Variants in PDPK1 observed in about 807,000 individuals in gnomAD.
The protein encoded by PDPK1 is 3-phosphoinositide dependent protein kinase 1, also known as 3-phosphoinositide-dependent protein kinase 1.
A neutral mutation model predicts 39.8 loss-of-function variants in PDPK1; 7 were observed. The observed-to-expected ratio is 0.18, with a 90% confidence interval of 0.10 to 0.33. PDPK1 has a LOEUF of 0.33. Among genes scored for constraint, PDPK1 ranks in the 10% least tolerant of loss-of-function variants. The probability of loss-of-function intolerance (pLI) is 1.00; values close to 1 mark genes in which losing one functional copy is unlikely to be tolerated. For missense variants in PDPK1, 182 were observed against 384.7 expected (o/e 0.47, Z 4.41); for synonymous variants, 118 against 159.1 (o/e 0.74, Z 1.95).
intron 11 of PDPK1, among the ~76,000 whole-genome samples, chr16:2,588,243 T>C (rs1041142100): frequency 5.3e-5 from 8 of 152,162 alleles, no homozygotes; most frequent in African/African-American, 1.7e-4. Context: ...GAATCACACC[T>C]AGTGTGATTG....
At position 2,557,966 on chromosome 16, in the gene PDPK1, G is replaced by A; in HGVS notation, c.285+3G>A. ...TTGGGGAAGGCTCTTTTTCCACGGT[G>A]AGTATTTGCTGCTGCTGTGTGTCAA... On this transcript the variant is annotated splice_donor_region_variant and intron_variant, in intron 2 of 13. Transcript: ENST00000342085. 6.2e-7 allele frequency: 1 copy of A among 1,612,254 alleles called. No homozygotes were observed. The highest frequency in any genetic ancestry group is 8.5e-7 in the Non-Finnish European group (1 of 1,179,536).
chr16:2,596,809 G>C (rs897836041), intron 12 of PDPK1, among the ~76,000 whole-genome samples: 1 of 152,172 alleles, frequency 6.6e-6, no homozygotes, highest in African/African-American at 2.4e-5. Context: ...AAGGATCTCG[G>C]TGCAGGTGGG....
At chr16:2,584,271 TATC>T (rs1350436167) in intron 10 of PDPK1, among the ~76,000 whole-genome samples, 6 of 89,452 alleles carry the variant, frequency 6.7e-5, no homozygotes, top group African/African-American at 2.1e-4. Flanking sequence ...TAAGTGCTGT[TATC>T]ATGAGATCCA....
At chr16:2,550,595 G>A in intron 1 of PDPK1, 1 of 17,796 alleles carries the variant, frequency 5.6e-5, no homozygotes, top group Non-Finnish European at 1.0e-4. Flanking sequence ...TGTTGAAGAT[G>A]TGGGTTAGTG....
intron 1 of PDPK1, chr16:2,539,080 T>C: frequency 6.9e-6 from 1 of 144,714 alleles, no homozygotes; most frequent in South Asian, 2.0e-4. Flanking sequence ...GGATGCGGCT[T>C]TTTTTTTTTT....
chr16:2,586,035 A>G (rs1266259533), intron 10 of PDPK1, among the ~76,000 whole-genome samples: 2 of 152,180 alleles, frequency 1.3e-5, no homozygotes, highest in Non-Finnish European at 2.9e-5. Flanking sequence ...GTGTTAGTGC[A>G]CAGGCTGTGT....
rs949538168 is a variant in PDPK1, at chr16:2,593,125, G to A, written c.1344-2668G>A. 19 of 454,966 alleles carry A rather than the reference G, an allele frequency of 4.2e-5. No homozygotes were observed. Among genetic ancestry groups the A allele is most frequent in the African/African-American group, 1.8e-4 (9 of 49,998 alleles). 28.2% of individuals were successfully genotyped at this position (454,966 alleles called of 1,614,324 possible). A position where few individuals can be genotyped will look rare whatever the true frequency, so the allele number is the denominator to read the frequency against. ...CCTCCCCAGGCTGCAGGTGCCGAGCGGGAGCACCACTCCTGCACGCCCGTG... is the reference window on the plus strand; with the variant it reads ...CCTCCCCAGGCTGCAGGTGCCGAGCAGGAGCACCACTCCTGCACGCCCGTG... On this transcript the variant is annotated intron_variant, in intron 11 of 13. Transcript: ENST00000342085. The surrounding 1 kb of genome is among the most constrained non-coding windows in gnomAD (Gnocchi z 4.2).
intron 10 of PDPK1, among the ~76,000 whole-genome samples, chr16:2,585,268 C>T (rs1368220435): frequency 6.6e-6 from 1 of 152,214 alleles, no homozygotes; most frequent in Admixed American, 6.5e-5. Flanking sequence ...TGGCAGCCGC[C>T]TGTTAGATGG....
chr16:2,544,931 CAT>C (rs892154209), intron 1 of PDPK1, among the ~76,000 whole-genome samples: 3 of 151,820 alleles, frequency 2.0e-5, no homozygotes, highest in East Asian at 1.9e-4. Context: ...AAGTCACACA[CAT>C]GATAGCATTT....
chr16:2,586,819 C>A lies in PDPK1; in HGVS notation c.1269C>A (p.Ser423=). ...EQYIHDLDSN[S]FELDLQFSED... The stretch of plus-strand genomic sequence containing the variant: ...ACATTCACGATCTGGACTCGAACTC[C>A]TTTGAACTGGACTTACAGTTTTCCG... Residue 423 remains serine, a synonymous_variant, in exon 11 of 14, where the codon TCC becomes TCA. Coordinates refer to ENST00000342085, the MANE Select transcript of PDPK1 (RefSeq NM_002613.5). 2 of 1,614,252 alleles carry A rather than the reference C, an allele frequency of 1.2e-6. No homozygotes were observed. The highest frequency in any genetic ancestry group is 2.2e-5 in the South Asian group (2 of 91,088).
intron 1 of PDPK1, among the ~76,000 whole-genome samples, chr16:2,544,216 AGTGTTTCTACCT>A (rs1030970441): frequency 6.6e-6 from 1 of 152,188 alleles, no homozygotes; most frequent in Non-Finnish European, 1.5e-5. Context: ...GTGGTTACAA[AGTGTTTCTACCT>A]GAAGAGACCT....
In PDPK1 at chr16:2,593,899, CTCTTTGTTTT is replaced by C. The variant is rs1361632411; in HGVS notation, c.1344-1893_1344-1884del. 2.6e-5 allele frequency: 4 copies of C among 152,336 alleles called. No individual in the cohort carries two copies. The highest frequency in any genetic ancestry group is 4.4e-5 in the Non-Finnish European group (3 of 68,120). The allele number at this position is 152,336 out of a possible 1,614,324, so 9.4% of individuals were successfully genotyped here. The stretch of plus-strand genomic sequence containing the variant: ...TTTCAGGAACCTCCTTGATCTGTTT[CTCTTTGTTTT>C]AATACCCACATTGTGTGTGTTTGCA... On this transcript the variant is annotated intron_variant, in intron 11 of 13. Transcript: ENST00000342085. The surrounding 1 kb of genome is among the most constrained non-coding windows in gnomAD (Gnocchi z 4.2).
At chr16:2,576,076 C>T (rs1194646098) in intron 6 of PDPK1, 1 of 144,520 alleles carries the variant, frequency 6.9e-6, no homozygotes, top group Admixed American at 6.7e-5. Flanking sequence ...CGCTGTGCCA[C>T]GCCGGACCCT....
intron 1 of PDPK1, among the ~76,000 whole-genome samples, chr16:2,543,571 C>T (rs1347727996): frequency 6.2e-5 from 9 of 146,008 alleles, no homozygotes; most frequent in Non-Finnish European, 9.0e-5. Flanking sequence ...CCAGCCTGTG[C>T]GGCCCAGGTG....
intron 1 of PDPK1, among the ~76,000 whole-genome samples, chr16:2,546,451 A>G (rs992685063): frequency 5.3e-5 from 8 of 152,150 alleles, no homozygotes; most frequent in Non-Finnish European, 1.0e-4. Flanking sequence ...CTCCTGCCTC[A>G]GCCTCATGAG....
At position 2,588,549 on chromosome 16, in the gene PDPK1, A is replaced by T. The variant is rs190132069; in HGVS notation, c.1343+1656A>T. 2.0e-3 allele frequency among the ~76,000 whole-genome samples: 301 copies of T among 152,262 alleles called. 1 individual carries two copies. Among genetic ancestry groups the T allele is most frequent in the African/African-American group, 7.0e-3 (290 of 41,548 alleles). On this transcript the variant is annotated intron_variant, in intron 11 of 13. Coordinates refer to ENST00000342085, the MANE Select transcript of PDPK1 (RefSeq NM_002613.5). ...GGCCCCTCTGCCTGGGGCTGTTCTTAGAGGGCCTTGGGGTCCGTCTGGGTA... is the reference window on the plus strand; with the variant it reads ...GGCCCCTCTGCCTGGGGCTGTTCTTTGAGGGCCTTGGGGTCCGTCTGGGTA...
intron 11 of PDPK1, chr16:2,592,425 C>A: frequency 3.7e-6 from 1 of 268,118 alleles, no homozygotes; most frequent in Non-Finnish European, 7.3e-6. Flanking sequence ...GAGGAAAGGG[C>A]TCTCAGGGCA....
chr16:2,589,047 C>A (rs1310948589), intron 11 of PDPK1, among the ~76,000 whole-genome samples: 1 of 152,174 alleles, frequency 6.6e-6, no homozygotes, highest in African/African-American at 2.4e-5. Flanking sequence ...CCTCCGCCTC[C>A]TGGGTTAAAG....
chr16:2,538,029 G>T lies in PDPK1; in HGVS notation c.-84G>T, dbSNP rs1309200160. The T allele has an allele frequency of 8.8e-6, 5 of 567,298 alleles. No individual in the cohort carries two copies. The South Asian group carries it at 2.9e-4, about 33-fold the overall frequency. 35.1% of individuals were successfully genotyped at this position (567,298 alleles called of 1,614,324 possible). ...GCAGGATGAGGGCGGCCATTGCTGG[G>T]GCTCCGCTTCGGGGAGGAGGACGCT... On this transcript the variant is annotated 5_prime_UTR_variant, in exon 1 of 14. Coordinates refer to ENST00000342085, the MANE Select transcript of PDPK1 (RefSeq NM_002613.5).
Sources: gnomAD v4.1 joint callset for allele counts (sites outside exome capture counted in the v4.1 genomes callset) on GRCh38, gnomAD v4.1.1 for gene constraint, Gnocchi (gnomAD v3.1) non-coding constraint, MANE v1.5 for transcripts, NCBI Gene and HGNC (gene_info 2026-07-23, HGNC 2026-07-21) for gene names.